The following ALDH18A1 variants were observed in gnomAD, a reference collection of about 807,000 sequenced individuals.
ALDH18A1 encodes the protein delta-1-pyrroline-5-carboxylate synthase.
ALDH18A1 carries 44 observed loss-of-function variants against 88.8 expected under a neutral mutation model. The observed-to-expected ratio is 0.50, with a 90% CI of 0.39 to 0.64. ALDH18A1 has a LOEUF of 0.64. Among genes scored for constraint, ALDH18A1 ranks in the 30% least tolerant of loss-of-function variants. The probability of loss-of-function intolerance (pLI) is 0.00; values close to 1 mark genes in which losing one functional copy is unlikely to be tolerated. For missense variants in ALDH18A1, 782 were observed against 1,009.5 expected (o/e 0.77, Z 3.05); for synonymous variants, 331 against 372.1 (o/e 0.89, Z 1.27).
intron 15 of ALDH18A1, among the ~76,000 whole-genome samples, chr10:95,612,362 C>A (rs1331217203): frequency 1.3e-5 from 2 of 152,218 alleles, no homozygotes; most frequent in Non-Finnish European, 2.9e-5. Flanking sequence ...CCGAGGATCC[C>A]AATCACAAGC....
intron 8 of ALDH18A1, 107 bp from the exon 9 acceptor site, chr10:95,627,693 T>C: frequency 7.6e-7 from 1 of 1,319,806 alleles, no homozygotes; most frequent in Non-Finnish European, 1.1e-6. Flanking sequence ...ACAACTTAAG[T>C]ATATGAGAGA....
chr10:95,633,426 T>G (rs1780636675), intron 6 of ALDH18A1, 65 bp downstream of exon 6: 1 of 1,581,336 alleles, frequency 6.3e-7, no homozygotes, highest in Admixed American at 1.7e-5. Context: ...CTGGTGTTAG[T>G]GCATGCAGCA....
At chr10:95,646,232 C>T (rs9663413) in intron 2 of ALDH18A1, among the ~76,000 whole-genome samples, 53,387 of 151,968 alleles carry the variant, frequency 0.35, 10,015 homozygotes, top group East Asian at 0.7. Flanking sequence ...GAGGGTACCT[C>T]AGGAACACAG....
At chr10:95,649,896 A>G (rs967891456) in intron 2 of ALDH18A1, among the ~76,000 whole-genome samples, 15 of 151,586 alleles carry the variant, frequency 9.9e-5, no homozygotes, top group African/African-American at 3.4e-4. Flanking sequence ...ATAAAAAAAA[A>G]AAACAAAGAA....
chr10:95,606,235 T>G lies in ALDH18A1; in HGVS notation c.*527A>C, dbSNP rs147263148. ...TTACCCCACAAATAAATACAAAAGG[T>G]CAATCTTCCCAGTGGAAATGATTCC... is the stretch of plus-strand genomic sequence containing the variant. On this transcript the variant is annotated 3_prime_UTR_variant, in exon 18 of 18. Coordinates refer to ENST00000371224, the MANE Select transcript of ALDH18A1 (RefSeq NM_002860.4). 5 of 993,608 alleles carry G rather than the reference T, an allele frequency of 5.0e-6. No homozygotes were observed. In the African/African-American group the frequency reaches 7.0e-5, roughly 14 times the overall value. The allele number at this position is 993,608 out of a possible 1,614,324, so 61.5% of individuals were successfully genotyped here. A position where few individuals can be genotyped will look rare whatever the true frequency, so the allele number is the denominator to read the frequency against.
chr10:95,614,190 GA>G, intron 13 of ALDH18A1, 29 bp from the exon 14 acceptor site: 1 of 1,608,330 alleles, frequency 6.2e-7, no homozygotes, highest in African/African-American at 1.3e-5. Context: ...AAAAGATAAA[GA>G]TGACATCTGA....
At chr10:95,645,738 T>C (rs1164296672) in intron 2 of ALDH18A1, among the ~76,000 whole-genome samples, 2 of 152,132 alleles carry the variant, frequency 1.3e-5, no homozygotes, top group East Asian at 1.9e-4. Context: ...ACAGAGCTGC[T>C]TGGTAAGCCA....
At chr10:95,653,185 C>T (rs2097913104) in intron 2 of ALDH18A1, 105 bp downstream of exon 2, 6 of 1,133,622 alleles carry the variant, frequency 5.3e-6, no homozygotes, top group Non-Finnish European at 7.9e-6. Context: ...GAGACCCTGT[C>T]TCCAAACAAA....
intron 11 of ALDH18A1, among the ~76,000 whole-genome samples, chr10:95,623,000 T>C (rs916182868): frequency 2.6e-5 from 4 of 151,902 alleles, no homozygotes; most frequent in African/African-American, 9.7e-5. Flanking sequence ...TTACAAAAAT[T>C]TTCCCTTTCC....
Position 95,628,379 on chromosome 10 carries a change from T to C in ALDH18A1, c.922A>G (p.Met308Val). 1 of 1,614,176 alleles carries C rather than the reference T, an allele frequency of 6.2e-7. No individual in the cohort carries two copies. The highest frequency in any genetic ancestry group is 8.5e-7 in the Non-Finnish European group (1 of 1,179,994). ...GTKSRVGMGGMEAKVKAALWA... is the reference protein window; with the variant it reads ...GTKSRVGMGGVEAKVKAALWA... ...CACCAGATTCTTACCTTGGCTTCCATGCCACCCATTCCCACTCTAGACTTG... is the reference window on the plus strand; with the variant it reads ...CACCAGATTCTTACCTTGGCTTCCACGCCACCCATTCCCACTCTAGACTTG... The change falls in exon 8 of 18, where the codon ATG becomes GTG. Residue 308 changes from methionine (M) to valine (V), a missense_variant. By Grantham distance (21) the Met-to-Val change is conservative (BLOSUM62 1). Around this residue, in one of 3 missense-constraint regions of ALDH18A1, gnomAD observed 556 missense variants for 654.5 expected, o/e 0.85. Transcript: ENST00000371224.
At chr10:95,623,571 CTT>C (rs905598489) in intron 11 of ALDH18A1, among the ~76,000 whole-genome samples, 1 of 144,516 alleles carries the variant, frequency 6.9e-6, no homozygotes. Flanking sequence ...CCACGGCCGG[CTT>C]TTTTTTTTTG....
At chr10:95,641,018 C>T (rs1486553782) in intron 3 of ALDH18A1, among the ~76,000 whole-genome samples, 1 of 152,180 alleles carries the variant, frequency 6.6e-6, no homozygotes, top group African/African-American at 2.4e-5. Context: ...CCACAGCATG[C>T]CATACTCATT....
chr10:95,649,825 G>A (rs746667504), intron 2 of ALDH18A1, among the ~76,000 whole-genome samples: 11 of 151,870 alleles, frequency 7.2e-5, no homozygotes, highest in Non-Finnish European at 1.3e-4. Context: ...AGGCTGCAGT[G>A]AGTAATGATT....
At chr10:95,607,182 C>A (rs1448665623) in intron 17 of ALDH18A1, among the ~76,000 whole-genome samples, 1 of 152,182 alleles carries the variant, frequency 6.6e-6, no homozygotes, top group Non-Finnish European at 1.5e-5. Flanking sequence ...TGTATTTTAT[C>A]CCCAGTGCAT....
At chr10:95,628,258 T>C (rs2097863150) in intron 8 of ALDH18A1, 110 bp downstream of exon 8, 1 of 1,459,346 alleles carries the variant, frequency 6.9e-7, no homozygotes, top group South Asian at 1.1e-5. Flanking sequence ...TAAGTGTGTA[T>C]GTGCCTACTA....
Position 95,625,310 on chromosome 10 carries a change from A to G in ALDH18A1, c.1246+52T>C, listed in dbSNP as rs116835128. ...AGAATTATTAGTAAAACTAAAAACC[A>G]AAATAATGCACACCCCTCCACAACA... On this transcript the variant is annotated intron_variant, in intron 11 of 17. Coordinates refer to ENST00000371224, the MANE Select transcript of ALDH18A1 (RefSeq NM_002860.4). 418 of 1,516,758 alleles carry G rather than the reference A, an allele frequency of 2.8e-4. No individual in the cohort carries two copies. The African/African-American group carries it at 4.8e-3, about 18-fold the overall frequency. The allele number at this position is 1,516,758 out of a possible 1,614,324, so 94.0% of individuals were successfully genotyped here.
intron 3 of ALDH18A1, among the ~76,000 whole-genome samples, chr10:95,637,865 T>C (rs1002326022): frequency 2.0e-5 from 3 of 151,732 alleles, no homozygotes; most frequent in Non-Finnish European, 4.4e-5. Context: ...GAGGCTGAGG[T>C]AGGAGGATCA....
intron 17 of ALDH18A1, among the ~76,000 whole-genome samples, chr10:95,608,337 T>G (rs928316763): frequency 6.6e-6 from 1 of 152,212 alleles, no homozygotes; most frequent in Non-Finnish European, 1.5e-5. Context: ...GATAATTACA[T>G]CAAAATCCCA....
chr10:95,642,931 T>C, intron 3 of ALDH18A1, 61 bp downstream of exon 3: 2 of 1,528,816 alleles, frequency 1.3e-6, no homozygotes, highest in Non-Finnish European at 1.8e-6. Context: ...TTAAACCTAA[T>C]CTGAACTAGC....
Sources: allele counts gnomAD v4.1 joint callset (sites outside exome capture counted in the v4.1 genomes callset), GRCh38; gene constraint gnomAD v4.1.1; regional missense constraint gnomAD v4.1.1; transcripts MANE v1.5; gene names NCBI Gene and HGNC (gene_info 2026-07-23, HGNC 2026-07-21).